Variants in SH3RF2 observed in about 807,000 individuals in gnomAD.
SH3RF2 encodes the protein SH3 domain containing ring finger 2.
In SH3RF2, 43 loss-of-function variants were observed where a neutral mutation model predicts 59.0. That is an observed-to-expected ratio of 0.73 (90% confidence interval 0.57 to 0.94). The LOEUF (loss-of-function observed/expected upper bound fraction) is 0.94. SH3RF2 is among the 40% of genes least tolerant of loss of function. The pLI is 0.00. For synonymous variants in SH3RF2, 391 were observed against 391.5 expected (o/e 1.00, Z 0.01); for missense variants, 930 against 940.1 (o/e 0.99, Z 0.14).
intron 2 of SH3RF2, among the ~76,000 whole-genome samples, chr5:145,943,344 G>A (rs1217409653): frequency 1.3e-5 from 2 of 152,074 alleles, no homozygotes; most frequent in East Asian, 3.9e-4. Context: ...GACTGGGGGA[G>A]GATGGGACCA....
chr5:145,983,500 C>T (rs901861265), intron 2 of SH3RF2, among the ~76,000 whole-genome samples: 1 of 152,196 alleles, frequency 6.6e-6, no homozygotes, highest in Non-Finnish European at 1.5e-5. Context: ...AAGACTCCTT[C>T]ATGCCAATTC....
At chr5:145,946,873 G>A (rs1758022236) in intron 2 of SH3RF2, among the ~76,000 whole-genome samples, 1 of 152,176 alleles carries the variant, frequency 6.6e-6, no homozygotes, top group South Asian at 2.1e-4. Flanking sequence ...CCTCCAATAT[G>A]AAGGGAAGAC....
intron 2 of SH3RF2, among the ~76,000 whole-genome samples, chr5:145,972,884 T>C (rs1332648035): frequency 6.6e-6 from 1 of 152,204 alleles, no homozygotes; most frequent in African/African-American, 2.4e-5. Flanking sequence ...AAGTACTTTG[T>C]TCTATTTGCT....
rs1325845114 is a variant in SH3RF2, at chr5:146,000,193, G to A, written c.514G>A (p.Gly172Arg). The A allele has an allele frequency of 7.4e-6, 12 of 1,613,574 alleles. No individual in the cohort carries two copies. Among genetic ancestry groups the A allele is most frequent in the South Asian group, 4.4e-5 (4 of 90,938 alleles). The change falls in exon 3 of 10, where the codon GGG becomes AGG. Residue 172 changes from glycine to arginine, a missense_variant. Transcript: ENST00000359120. ...WYQGEINGIS[G>R]NFPASSVEVI... is the part of the protein sequence containing the mutation. ...CCAGGGGGAAATCAATGGCATCAGC[G>A]GGAACTTCCCAGCCAGCTCCGTGGA...
intron 9 of SH3RF2, among the ~76,000 whole-genome samples, chr5:146,071,893 A>G (rs942441039): frequency 1.3e-5 from 2 of 152,230 alleles, no homozygotes; most frequent in Non-Finnish European, 2.9e-5. Context: ...TATTGGGTAC[A>G]TAGAATTGTT....
At chr5:146,034,052 C>T (rs1189736314) in intron 5 of SH3RF2, among the ~76,000 whole-genome samples, 2 of 152,284 alleles carry the variant, frequency 1.3e-5, no homozygotes, top group South Asian at 2.1e-4. Flanking sequence ...GGTGGGGATA[C>T]AAATAAAAAT....
chr5:146,000,373 A>G, intron 3 of SH3RF2, 46 bp downstream of exon 3: 1 of 1,559,476 alleles, frequency 6.4e-7, no homozygotes, highest in Non-Finnish European at 8.6e-7. Context: ...CCACGTAGAG[A>G]CCATAGCAGA....
chr5:145,988,426 C>A (rs1488849280), intron 2 of SH3RF2, among the ~76,000 whole-genome samples: 1 of 152,012 alleles, frequency 6.6e-6, no homozygotes. Context: ...TCAGAATATG[C>A]AGGGTTTGGA....
At chr5:146,022,587 C>A (rs929181515) in intron 5 of SH3RF2, among the ~76,000 whole-genome samples, 2 of 152,006 alleles carry the variant, frequency 1.3e-5, no homozygotes, top group African/African-American at 2.4e-5. Context: ...AAAAAATGAA[C>A]AACAGGCCAG....
At chr5:146,077,897 G>A (rs991868736) in intron 9 of SH3RF2, among the ~76,000 whole-genome samples, 8 of 152,042 alleles carry the variant, frequency 5.3e-5, no homozygotes, top group Admixed American at 1.3e-4. Flanking sequence ...ATTTGTGTTT[G>A]TTGTTTCTTC....
At chr5:146,044,534 G>T (rs1238927146) in intron 5 of SH3RF2, among the ~76,000 whole-genome samples, 1 of 152,056 alleles carries the variant, frequency 6.6e-6, no homozygotes, top group East Asian at 1.9e-4. Flanking sequence ...GTATTTATTG[G>T]CCACTCAATA....
chr5:145,944,022 A>C (rs999051039), intron 2 of SH3RF2, among the ~76,000 whole-genome samples: 4 of 152,158 alleles, frequency 2.6e-5, no homozygotes, highest in African/African-American at 7.2e-5. Flanking sequence ...GAGCATTCTC[A>C]TCTGGCCCAT....
rs538614286 is a variant in SH3RF2 at position 145,964,611 on chromosome 5, T to C, written c.378+26305T>C. Among the ~76,000 whole-genome samples the C allele has an allele frequency of 1.8e-4, 28 of 152,180 alleles. No individual in the cohort carries two copies. The South Asian group carries it at 5.0e-3, about 27-fold the overall frequency. ...CGTGAGCCACCATGCTCGGCCAGTT[T>C]TGGTTTTTTTATTGCTGCATCACCA... On this transcript the variant is annotated intron_variant, in intron 2 of 9. Transcript: ENST00000359120.
intron 1 of SH3RF2, 82 bp from the exon 2 acceptor site, chr5:145,937,741 T>C (rs1392733969): frequency 1.5e-6 from 1 of 663,560 alleles, no homozygotes; most frequent in Non-Finnish European, 2.6e-6. Flanking sequence ...AACTGCCTTA[T>C]GAGACACTGC....
In SH3RF2 at chr5:146,059,968, T is replaced by C; in HGVS notation, c.1658T>C (p.Phe553Ser). 1 of 1,564,260 alleles carries C rather than the reference T, an allele frequency of 6.4e-7. No individual in the cohort carries two copies. Among genetic ancestry groups the C allele is most frequent in the Non-Finnish European group, 8.7e-7 (1 of 1,155,124 alleles). Residue 553 changes from phenylalanine to serine, a missense_variant, in exon 9 of 10, where the codon TTC becomes TCC. Coordinates refer to ENST00000359120, the MANE Select transcript of SH3RF2 (RefSeq NM_152550.4). ...GTCCTTCGGCCTCAGCAGTTCCAAT[T>C]CTACCAGCCACAGGGGATCCCCTCC... ...TMVLRPQQFQ[F>S]YQPQGIPSSP... is the part of the protein sequence containing the mutation.
chr5:146,078,017 T>C (rs1403218039), intron 9 of SH3RF2, among the ~76,000 whole-genome samples: 2 of 152,044 alleles, frequency 1.3e-5, no homozygotes, highest in East Asian at 1.9e-4. Flanking sequence ...AATAAATAAA[T>C]GTAGGAGAAG....
chr5:146,023,097 T>C (rs1334065858), intron 5 of SH3RF2, among the ~76,000 whole-genome samples: 1 of 152,140 alleles, frequency 6.6e-6, no homozygotes, highest in Non-Finnish European at 1.5e-5. Flanking sequence ...CATCTATACA[T>C]TAAAAAAACA....
exon 10 of SH3RF2, chr5:146,079,074 A>G (rs977250390): frequency 2.0e-5 from 3 of 152,188 alleles, no homozygotes; most frequent in Non-Finnish European, 4.4e-5. Context: ...GGGATTTCTA[A>G]TAGAGCATAA....
At chr5:146,050,426 C>G (rs942350936) in intron 7 of SH3RF2, among the ~76,000 whole-genome samples, 3 of 152,138 alleles carry the variant, frequency 2.0e-5, no homozygotes, top group Non-Finnish European at 4.4e-5. Context: ...CAGGCAAAGT[C>G]GGCCTGAGTC....
Sources: allele counts gnomAD v4.1 joint callset (sites outside exome capture counted in the v4.1 genomes callset), GRCh38; gene constraint gnomAD v4.1.1; transcripts MANE v1.5; gene names NCBI Gene and HGNC (gene_info 2026-07-23, HGNC 2026-07-21).